CLASP2: variants seen among roughly 807,000 people sequenced by gnomAD.
The protein encoded by CLASP2 is CLIP-associating protein 2.
CLASP2 carries 47 observed loss-of-function variants against 194.4 expected under a neutral mutation model. The ratio of observed to expected loss-of-function variants is 0.24; its 90% CI spans 0.19 to 0.31. The LOEUF is 0.31. Ranked by LOEUF, CLASP2 falls within the 10% of genes least tolerant of loss-of-function variation. The pLI is 1.00. For synonymous variants in CLASP2, 619 were observed against 633.5 expected, an observed-to-expected ratio of 0.98 and a Z score of 0.34; for missense variants, 1,445 against 1,823.6, an observed-to-expected ratio of 0.79 and a Z score of 3.78.
chr3:33,659,176 C>A (rs981804404), intron 7 of CLASP2: 111 of 1,376,360 alleles, frequency 8.1e-5, no homozygotes, highest in Non-Finnish European at 9.6e-5. Flanking sequence ...AAATAAAAGT[C>A]TGGGGTCTTG....
chr3:33,610,887 A>G (rs1053378594), intron 13 of CLASP2, among the ~76,000 whole-genome samples: 1 of 152,226 alleles, frequency 6.6e-6, no homozygotes, highest in African/African-American at 2.4e-5. Context: ...TTCCTAACAC[A>G]GTATTTAATT....
intron 38 of CLASP2, among the ~76,000 whole-genome samples, chr3:33,499,187 G>A (rs908298177): frequency 8.5e-5 from 13 of 152,180 alleles, no homozygotes; most frequent in Admixed American, 3.3e-4. Flanking sequence ...GTTTTTGCCC[G>A]CTTCGCTCTG....
At chr3:33,606,143 G>T (rs1462796134) in intron 16 of CLASP2, among the ~76,000 whole-genome samples, 5 of 152,000 alleles carry the variant, frequency 3.3e-5, no homozygotes, top group African/African-American at 1.2e-4. Context: ...AACTAAGTCA[G>T]ATACTAGATA....
chr3:33,603,161 T>A, intron 17 of CLASP2, 36 bp from the exon 18 acceptor site: 1 of 1,495,908 alleles, frequency 6.7e-7, no homozygotes, highest in Non-Finnish European at 8.9e-7. Context: ...TTATATCATT[T>A]AAATCACTGA....
intron 33 of CLASP2, among the ~76,000 whole-genome samples, chr3:33,536,845 C>G (rs149515712): frequency 2.5e-4 from 38 of 152,270 alleles, no homozygotes; most frequent in Middle Eastern, 3.4e-3. Flanking sequence ...ATGAGAAAAA[C>G]AGAGGTCTCA....
At chr3:33,593,524 T>C (rs753099322) in intron 20 of CLASP2, among the ~76,000 whole-genome samples, 1 of 151,866 alleles carries the variant, frequency 6.6e-6, no homozygotes, top group East Asian at 1.9e-4. Context: ...AATTAAGAAA[T>C]GAGTGAGAAA....
intron 32 of CLASP2, among the ~76,000 whole-genome samples, chr3:33,540,413 A>AT (rs959470712): frequency 1.2e-4 from 18 of 150,236 alleles, no homozygotes; most frequent in Non-Finnish European, 2.2e-4. Context: ...ATTTAAAAAA[A>AT]TTTTTTTTTG....
chr3:33,520,607 G>C (rs1351998841), intron 34 of CLASP2, among the ~76,000 whole-genome samples: 1 of 152,108 alleles, frequency 6.6e-6, no homozygotes, highest in African/African-American at 2.4e-5. Flanking sequence ...GTAGATCTGT[G>C]CAAGTAAGGA....
In CLASP2 at chr3:33,674,416, C is replaced by T. The variant is rs529388946; in HGVS notation, c.644+9943G>A. On this transcript the variant is annotated intron_variant, in intron 6 of 38. Coordinates refer to ENST00000682230, the MANE Select transcript of CLASP2 (RefSeq NM_001365631.1). ...CCAACGAGAACAAAGACACAACATA[C>T]CAGAATCTCTGGGACACATTCAAAG... is the stretch of plus-strand genomic sequence containing the variant. 5.7e-4 allele frequency among the ~76,000 whole-genome samples: 86 copies of T among 151,306 alleles called. 1 individual carries two copies. The highest frequency in any genetic ancestry group is 1.9e-3 in the African/African-American group (76 of 40,712).
At chr3:33,560,700 T>C in intron 28 of CLASP2, 108 bp downstream of exon 28, 2 of 865,554 alleles carry the variant, frequency 2.3e-6, no homozygotes, top group Admixed American at 2.3e-5. Flanking sequence ...ACGGAATCCA[T>C]GCAGTCTAAA....
At chr3:33,694,582 C>T (rs2091679404) in intron 2 of CLASP2, among the ~76,000 whole-genome samples, 1 of 152,070 alleles carries the variant, frequency 6.6e-6, no homozygotes, top group African/African-American at 2.4e-5. Flanking sequence ...TCATACCTAA[C>T]TTTCTCAGTT....
chr3:33,714,188 G>A (rs1050604532), intron 1 of CLASP2, among the ~76,000 whole-genome samples: 5 of 152,140 alleles, frequency 3.3e-5, no homozygotes, highest in Non-Finnish European at 5.9e-5. Flanking sequence ...GGTGGTTATC[G>A]TACTTAACTG....
chr3:33,585,929 TCTTA>T (rs1165490728), intron 21 of CLASP2, among the ~76,000 whole-genome samples: 94 of 152,332 alleles, frequency 6.2e-4, no homozygotes, highest in African/African-American at 2.0e-3. Context: ...AAGCTATCTG[TCTTA>T]CTATTAGACG....
chr3:33,618,176 G>A lies in CLASP2; in HGVS notation c.1317+1427C>T, dbSNP rs182510853. ...TTGGTCGGGCTGGTCTCGAACTACT[G>A]ACCTCAGTTGATCCGCCTGCCTTGG... is the stretch of plus-strand genomic sequence containing the variant. On this transcript the variant is annotated intron_variant, in intron 12 of 38. Transcript: ENST00000682230. 1.5e-3 allele frequency among the ~76,000 whole-genome samples: 222 copies of A among 151,920 alleles called. 2 individuals are homozygous for A. Among genetic ancestry groups the A allele is most frequent in the African/African-American group, 4.8e-3 (198 of 41,480 alleles).
At chr3:33,628,795 A>C (rs923468049) in intron 9 of CLASP2, among the ~76,000 whole-genome samples, 1 of 152,080 alleles carries the variant, frequency 6.6e-6, no homozygotes, top group Non-Finnish European at 1.5e-5. Flanking sequence ...TCAGTAAGAA[A>C]ATAGAGAATG....
chr3:33,544,413 C>T (rs559217739), intron 31 of CLASP2, among the ~76,000 whole-genome samples: 1 of 152,274 alleles, frequency 6.6e-6, no homozygotes, highest in Admixed American at 6.5e-5. Flanking sequence ...TGGCTTCCAG[C>T]TGGTGCTCTC....
intron 23 of CLASP2, among the ~76,000 whole-genome samples, chr3:33,578,556 G>A (rs981196576): frequency 1.3e-5 from 2 of 152,210 alleles, no homozygotes; most frequent in African/African-American, 4.8e-5. Context: ...AAGACTGAAA[G>A]AAAGGAGGAT....
At chr3:33,686,740 A>G (rs949573789) in intron 5 of CLASP2, among the ~76,000 whole-genome samples, 1 of 152,226 alleles carries the variant, frequency 6.6e-6, no homozygotes, top group Non-Finnish European at 1.5e-5. Context: ...GAAGCTGACA[A>G]TCTGTGCCCA....
rs1423757698 is a variant in CLASP2 at position 33,512,686 on chromosome 3, T to TG, written c.4111-1923dup. 6.8e-5 allele frequency among the ~76,000 whole-genome samples: 6 copies of TG among 88,038 alleles called. No individual in the cohort carries two copies. In the South Asian group the frequency reaches 1.0e-3, roughly 15 times the overall value. 57.8% of individuals were successfully genotyped at this position (88,038 alleles called of 152,430 possible). On this transcript the variant is annotated intron_variant, in intron 36 of 38. Transcript: ENST00000682230. ...TAGAAAGGTACAGTGGGACATACACTGGAAAAAAAAAAAAAAAAAAAAGGC... is the reference window on the plus strand; with the variant it reads ...TAGAAAGGTACAGTGGGACATACACTGGGAAAAAAAAAAAAAAAAAAAAGGC...
Sources: gnomAD v4.1 joint callset for allele counts (sites outside exome capture counted in the v4.1 genomes callset) on GRCh38, gnomAD v4.1.1 for gene constraint, MANE v1.5 for transcripts, NCBI Gene and HGNC (gene_info 2026-07-23, HGNC 2026-07-21) for gene names.